HIVEP3: variants seen among roughly 807,000 people sequenced by gnomAD.
HIVEP3 encodes the protein transcription factor HIVEP3.
HIVEP3 carries 49 observed loss-of-function variants against 152.8 expected under a neutral mutation model. That is an observed-to-expected ratio of 0.32 (90% CI 0.26 to 0.41). The LOEUF (loss-of-function observed/expected upper bound fraction) is 0.41, where lower values mean the gene tolerates loss of function less well. Among genes scored for constraint, HIVEP3 ranks in the 10% least tolerant of loss-of-function variants. HIVEP3 has a pLI of 1.00. For missense variants in HIVEP3, 2,790 were observed against 3,103.3 expected (o/e 0.90, Z 2.40); for synonymous variants, 1,269 against 1,289.0 (o/e 0.98, Z 0.33).
intron 2 of HIVEP3, among the ~76,000 whole-genome samples, chr1:41,657,912 TC>T (rs1645653809): frequency 1.3e-5 from 2 of 152,190 alleles, no homozygotes; most frequent in East Asian, 3.8e-4. Flanking sequence ...TTCCTGGGCC[TC>T]CTGCTGGCTG....
intron 5 of HIVEP3, among the ~76,000 whole-genome samples, chr1:41,561,512 T>C (rs1336612640): frequency 6.9e-6 from 1 of 144,612 alleles, no homozygotes; most frequent in Non-Finnish European, 1.5e-5. Context: ...CAACAATCCA[T>C]ATGTCACTTT....
chr1:41,759,592 T>C lies in HIVEP3; in HGVS notation c.-800-58597A>G, dbSNP rs1647534361. Among the ~76,000 whole-genome samples, 3 of 152,190 alleles carry C rather than the reference T, an allele frequency of 2.0e-5. No homozygotes were observed. In the South Asian group the frequency reaches 6.2e-4, roughly 32 times the overall value. Reference sequence around the variant, plus strand: ...ATTGCTGGGTCATATGGTAACTCTATGTTTAACTTATTCAGGAACCTCCAA... The same window carrying C: ...ATTGCTGGGTCATATGGTAACTCTACGTTTAACTTATTCAGGAACCTCCAA... On this transcript the variant is annotated intron_variant, in intron 1 of 8. Coordinates refer to ENST00000372583, the MANE Select transcript of HIVEP3 (RefSeq NM_024503.5).
chr1:41,717,433 G>A (rs1475760317), intron 1 of HIVEP3, among the ~76,000 whole-genome samples: 5 of 152,184 alleles, frequency 3.3e-5, no homozygotes. Flanking sequence ...AGAAAATACA[G>A]ACAACTTGAG....
At chr1:41,969,942 G>T (rs1312172316) in intron 1 of HIVEP3, among the ~76,000 whole-genome samples, 2 of 152,144 alleles carry the variant, frequency 1.3e-5, no homozygotes, top group African/African-American at 4.8e-5. Flanking sequence ...TGGCCAACAA[G>T]CATGAAAAAA....
At chr1:41,558,961 C>G (rs1644012813) in intron 5 of HIVEP3, among the ~76,000 whole-genome samples, 1 of 152,086 alleles carries the variant, frequency 6.6e-6, no homozygotes, top group Non-Finnish European at 1.5e-5. Context: ...TCCATGCTGC[C>G]CCACTCCAAG....
At chr1:41,694,046 T>G (rs1646235773) in intron 2 of HIVEP3, among the ~76,000 whole-genome samples, 1 of 152,244 alleles carries the variant, frequency 6.6e-6, no homozygotes, top group Non-Finnish European at 1.5e-5. Context: ...CCATGTTTAT[T>G]TTTCCAGATG....
At chr1:41,714,645 C>T (rs535015295) in intron 1 of HIVEP3, among the ~76,000 whole-genome samples, 6 of 152,316 alleles carry the variant, frequency 3.9e-5, no homozygotes, top group African/African-American at 1.4e-4. Context: ...CCCCAGCTCA[C>T]ACTCTGGGGC....
chr1:41,912,635 G>GT lies in HIVEP3; in HGVS notation c.-801+5777dup, dbSNP rs1314887315. ...TTTGATACAATCATAATCATAGTGG[G>GT]TTTTTTTCTCAAACTTTGAAATCTT... On this transcript the variant is annotated intron_variant, in intron 1 of 8. Transcript: ENST00000372583. Among the ~76,000 whole-genome samples, 12 of 152,262 alleles carry GT rather than the reference G, an allele frequency of 7.9e-5. No homozygotes were observed. In the South Asian group the frequency reaches 1.7e-3, roughly 21 times the overall value.
At chr1:41,572,660 T>C (rs539445434) in intron 5 of HIVEP3, among the ~76,000 whole-genome samples, 1 of 152,192 alleles carries the variant, frequency 6.6e-6, no homozygotes, top group African/African-American at 2.4e-5. Flanking sequence ...ATTAAGTAGA[T>C]CCTCCTCCCT....
At chr1:41,934,522 T>C (rs1461800185) in intron 1 of HIVEP3, among the ~76,000 whole-genome samples, 1 of 152,152 alleles carries the variant, frequency 6.6e-6, no homozygotes, top group African/African-American at 2.4e-5. Context: ...CCCAGCTGTC[T>C]ACATCTTTGA....
intron 1 of HIVEP3, among the ~76,000 whole-genome samples, chr1:41,860,000 T>A (rs1570685014): frequency 6.6e-6 from 1 of 152,212 alleles, no homozygotes; most frequent in East Asian, 1.9e-4. Context: ...GGATGAGCTC[T>A]GAAGTCCTTT....
intron 5 of HIVEP3, among the ~76,000 whole-genome samples, chr1:41,540,345 T>C (rs903303940): frequency 6.6e-6 from 1 of 152,206 alleles, no homozygotes; most frequent in Non-Finnish European, 1.5e-5. Flanking sequence ...GTCAGCACCA[T>C]GAAGGCCGTG....
chr1:41,731,129 T>A (rs139594442), intron 1 of HIVEP3, among the ~76,000 whole-genome samples: 18 of 152,120 alleles, frequency 1.2e-4, no homozygotes, highest in African/African-American at 4.1e-4. Flanking sequence ...GGGAAAAAGG[T>A]GTACTGCGTA....
chr1:41,768,797 A>C lies in HIVEP3; in HGVS notation c.-800-67802T>G, dbSNP rs74071384. On this transcript the variant is annotated intron_variant, in intron 1 of 8. Coordinates refer to ENST00000372583, the MANE Select transcript of HIVEP3 (RefSeq NM_024503.5). ...TTTTTGCCTATGCTATTCCAAATTT[A>C]ATGTAAATATTTCACTGCAAGTCTA... Among the ~76,000 whole-genome samples the C allele has an allele frequency of 9.8e-4, 150 of 152,332 alleles. 1 individual carries two copies. Among genetic ancestry groups the C allele is most frequent in the African/African-American group, 3.2e-3 (132 of 41,578 alleles).
At position 41,768,368 on chromosome 1, in the gene HIVEP3, G is replaced by A. The variant is rs559003670; in HGVS notation, c.-800-67373C>T. ...AAGAGCAGGAGAAAGACCTGACCCC[G>A]TGATTCAATTACCTCCCACCAGGTT... On this transcript the variant is annotated intron_variant, in intron 1 of 8. Coordinates refer to ENST00000372583, the MANE Select transcript of HIVEP3 (RefSeq NM_024503.5). Among the ~76,000 whole-genome samples, 11 of 152,296 alleles carry A rather than the reference G, an allele frequency of 7.2e-5. No homozygotes were observed. The South Asian group carries it at 2.1e-3, about 29-fold the overall frequency.
intron 3 of HIVEP3, among the ~76,000 whole-genome samples, chr1:41,596,015 A>G (rs1644660951): frequency 6.6e-6 from 1 of 151,922 alleles, no homozygotes; most frequent in Non-Finnish European, 1.5e-5. Flanking sequence ...ACAAGGTTCA[A>G]TGTACGCAAA....
At chr1:41,758,823 A>G (rs1350862357) in intron 1 of HIVEP3, among the ~76,000 whole-genome samples, 1 of 152,210 alleles carries the variant, frequency 6.6e-6, no homozygotes, top group Admixed American at 6.5e-5. Flanking sequence ...AAATTTAAAG[A>G]CATTGCTAGA....
chr1:41,946,357 T>G (rs535790104), intron 1 of HIVEP3, among the ~76,000 whole-genome samples: 1 of 152,258 alleles, frequency 6.6e-6, no homozygotes, highest in East Asian at 1.9e-4. Flanking sequence ...CCCGGGTATG[T>G]TTGACCATTG....
chr1:41,955,886 G>A (rs967876214), intron 1 of HIVEP3, among the ~76,000 whole-genome samples: 9 of 152,220 alleles, frequency 5.9e-5, no homozygotes, highest in African/African-American at 1.2e-4. Flanking sequence ...GGGCCTCCGG[G>A]ACTTAAGTTA....
Sources: gnomAD v4.1 joint callset for allele counts (sites outside exome capture counted in the v4.1 genomes callset) on GRCh38, gnomAD v4.1.1 for gene constraint, MANE v1.5 for transcripts, NCBI Gene and HGNC (gene_info 2026-07-23, HGNC 2026-07-21) for gene names.